ZFYVE1: variants seen among roughly 807,000 people sequenced by gnomAD.
The protein encoded by ZFYVE1 is zinc finger FYVE domain-containing protein 1.
ZFYVE1 carries 30 observed loss-of-function variants against 74.4 expected under a neutral mutation model. That is an observed-to-expected ratio of 0.40 (90% CI 0.30 to 0.55). ZFYVE1 has a LOEUF of 0.55. ZFYVE1 is among the 20% of genes least tolerant of loss of function. The pLI is 0.42. For synonymous variants in ZFYVE1, 335 were observed against 385.1 expected, an observed-to-expected ratio of 0.87 and a Z score of 1.52; for missense variants, 703 against 1,011.6, an observed-to-expected ratio of 0.69 and a Z score of 4.14.
intron 11 of ZFYVE1, among the ~76,000 whole-genome samples, chr14:72,973,134 C>T (rs114085003): frequency 0.014 from 2,203 of 152,246 alleles, 45 homozygotes; most frequent in African/African-American, 0.047. Context: ...AAACCTGTGA[C>T]GGCAGCAGAC....
chr14:72,970,655 T>A lies in ZFYVE1; in HGVS notation c.*227A>T. On this transcript the variant is annotated 3_prime_UTR_variant, in exon 12 of 12. Transcript: ENST00000556143. ...TTTTAACTGAAATAAATGCAACGGATTCAGGTTCATTCCCCTTTGCGATAA... is the reference window on the plus strand; with the variant it reads ...TTTTAACTGAAATAAATGCAACGGAATCAGGTTCATTCCCCTTTGCGATAA... 1 of 587,384 alleles carries A rather than the reference T, an allele frequency of 1.7e-6. No individual in the cohort carries two copies. Among genetic ancestry groups the A allele is most frequent in the Non-Finnish European group, 3.0e-6 (1 of 328,250 alleles). 36.4% of individuals were successfully genotyped at this position (587,384 alleles called of 1,614,324 possible). A position where few individuals can be genotyped will look rare whatever the true frequency, so the allele number is the denominator to read the frequency against.
intron 2 of ZFYVE1, among the ~76,000 whole-genome samples, chr14:73,018,790 A>C (rs1212880868): frequency 2.0e-5 from 3 of 152,028 alleles, no homozygotes; most frequent in Admixed American, 6.6e-5. Context: ...AAAAATACAA[A>C]AAAACTAGCC....
chr14:73,015,842 G>A (rs926373771), intron 2 of ZFYVE1, among the ~76,000 whole-genome samples: 7 of 151,944 alleles, frequency 4.6e-5, no homozygotes, highest in South Asian at 2.1e-4. Context: ...GGTGGCTCAC[G>A]CCTGTACCCA....
At chr14:73,023,987 C>A in intron 2 of ZFYVE1, 39 bp downstream of exon 2, 1 of 1,593,980 alleles carries the variant, frequency 6.3e-7, no homozygotes, top group Non-Finnish European at 8.5e-7. Flanking sequence ...AACAGATCTG[C>A]TCCACTACAC....
chr14:72,987,862 C>A (rs1393297950), intron 4 of ZFYVE1, among the ~76,000 whole-genome samples: 1 of 152,052 alleles, frequency 6.6e-6, no homozygotes, highest in African/African-American at 2.4e-5. Context: ...GGGGCCTGCA[C>A]AACAGTGTGG....
Position 72,990,851 on chromosome 14 carries a change from C to A in ZFYVE1, c.1203+2292G>T, listed in dbSNP as rs180714281. ...TAGTAGCTGGGATTACAAGAGTCTG[C>A]CACCACGCCCAGCTAATTTTTGTAT... On this transcript the variant is annotated intron_variant, in intron 4 of 11. Coordinates refer to ENST00000556143, the MANE Select transcript of ZFYVE1 (RefSeq NM_021260.4). Among the ~76,000 whole-genome samples the A allele has an allele frequency of 3.6e-4, 54 of 151,758 alleles. 2 individuals carry two copies. The East Asian group carries it at 0.01, about 29-fold the overall frequency.
intron 1 of ZFYVE1, among the ~76,000 whole-genome samples, chr14:73,025,379 T>C (rs1213346658): frequency 6.6e-6 from 1 of 151,582 alleles, no homozygotes; most frequent in Non-Finnish European, 1.5e-5. Context: ...AGAAATCTCA[T>C]TTTCTATCTT....
intron 4 of ZFYVE1, among the ~76,000 whole-genome samples, chr14:72,987,359 G>A (rs1379384825): frequency 6.6e-6 from 1 of 152,142 alleles, no homozygotes; most frequent in Admixed American, 6.5e-5. Context: ...TCAAGCTCAG[G>A]AGTTCAAGAC....
chr14:72,971,717 C>T (rs1893038812), intron 11 of ZFYVE1, among the ~76,000 whole-genome samples: 1 of 152,146 alleles, frequency 6.6e-6, no homozygotes, highest in Non-Finnish European at 1.5e-5. Context: ...GAGCCTCCTG[C>T]CTGAGTCTCC....
At chr14:73,019,622 G>A (rs1017450505) in intron 2 of ZFYVE1, among the ~76,000 whole-genome samples, 1 of 152,152 alleles carries the variant, frequency 6.6e-6, no homozygotes, top group Non-Finnish European at 1.5e-5. Context: ...AAGAATTGGT[G>A]AGCTGGTGCT....
rs755010360 is a variant in ZFYVE1 at position 72,974,132 on chromosome 14, C to T, written c.2049G>A (p.Glu683=). The part of the protein sequence containing the change: ...GGTLIARKVG[E]AVQNTLGAVV... ...CGGCTCCCAGAGTGTTCTGCACGGCCTCGCCCACCTTCCGAGCAATGAGCG... is the reference window on the plus strand; with the variant it reads ...CGGCTCCCAGAGTGTTCTGCACGGCTTCGCCCACCTTCCGAGCAATGAGCG... The change falls in exon 11 of 12, where the codon GAG becomes GAA. Residue 683 remains glutamate (E), a synonymous_variant. Coordinates refer to ENST00000556143, the MANE Select transcript of ZFYVE1 (RefSeq NM_021260.4). 6.2e-7 allele frequency: 1 copy of T among 1,614,134 alleles called. No individual in the cohort carries two copies. The highest frequency in any genetic ancestry group is 1.7e-5 in the Admixed American group (1 of 60,024).
intron 2 of ZFYVE1, among the ~76,000 whole-genome samples, chr14:73,006,076 C>A (rs947054287): frequency 6.6e-6 from 1 of 152,036 alleles, no homozygotes; most frequent in African/African-American, 2.4e-5. Flanking sequence ...CCCGCCACCA[C>A]GCCCGGAGAA....
Position 72,998,082 on chromosome 14 carries a change from G to C in ZFYVE1, c.717C>G (p.Leu239=), listed in dbSNP as rs546347969. 6.2e-7 allele frequency: 1 copy of C among 1,613,916 alleles called. No homozygotes were observed. Among genetic ancestry groups the C allele is most frequent in the African/African-American group, 1.3e-5 (1 of 74,876 alleles). ...GGCTTAGATTCACGGTGGCCCCCAG[G>C]AGCCCTTCCGTATCGATCACTGCTA... The part of the protein sequence containing the change: ...HKVAVIDTEG[L]LGATVNLSQR... Residue 239 remains leucine, a synonymous_variant, in exon 3 of 12, where the codon CTC becomes CTG. Coordinates refer to ENST00000556143, the MANE Select transcript of ZFYVE1 (RefSeq NM_021260.4).
chr14:72,979,514 C>A (rs143966114), intron 5 of ZFYVE1, among the ~76,000 whole-genome samples: 2,183 of 151,934 alleles, frequency 0.014, 45 homozygotes, highest in African/African-American at 0.048. Flanking sequence ...ATTAGCCAGG[C>A]ATAGTGGCTC....
chr14:72,969,456 G>C lies in ZFYVE1; in HGVS notation c.*1426C>G. On this transcript the variant is annotated 3_prime_UTR_variant, in exon 12 of 12. Transcript: ENST00000556143. ...AAGAGCCAGCACAGTCGAGATGCAG[G>C]AAGATTCCTTTATGATGGCGAATTG... The C allele has an allele frequency of 2.2e-6, 1 of 455,932 alleles. No homozygotes were observed. The highest frequency in any genetic ancestry group is 3.9e-6 in the Non-Finnish European group (1 of 259,032). 28.2% of individuals were successfully genotyped at this position (455,932 alleles called of 1,614,324 possible).
chr14:72,986,864 C>T (rs748219920), intron 4 of ZFYVE1: 28 of 984,900 alleles, frequency 2.8e-5, no homozygotes, highest in Admixed American at 6.2e-5. Context: ...GATCCATATA[C>T]TTATTAGCAG....
chr14:73,011,087 G>GTAACT (rs1894082202), intron 2 of ZFYVE1, among the ~76,000 whole-genome samples: 1 of 151,484 alleles, frequency 6.6e-6, no homozygotes. Flanking sequence ...TGAATCATGA[G>GTAACT]TAACTTATGA....
At chr14:73,018,636 C>T (rs575782592) in intron 2 of ZFYVE1, among the ~76,000 whole-genome samples, 1 of 151,872 alleles carries the variant, frequency 6.6e-6, no homozygotes, top group East Asian at 1.9e-4. Flanking sequence ...ACCATGTATC[C>T]CCAGAACACA....
At chr14:73,020,389 G>C (rs1894293237) in intron 2 of ZFYVE1, among the ~76,000 whole-genome samples, 1 of 152,024 alleles carries the variant, frequency 6.6e-6, no homozygotes, top group Non-Finnish European at 1.5e-5. Context: ...GTCTCGCACT[G>C]TCACCCAGGC....
Sources: gnomAD v4.1 joint callset for allele counts (sites outside exome capture counted in the v4.1 genomes callset) on GRCh38, gnomAD v4.1.1 for gene constraint, MANE v1.5 for transcripts, NCBI Gene and HGNC (gene_info 2026-07-23, HGNC 2026-07-21) for gene names.